Variants in DEFB115 observed in about 807,000 individuals in gnomAD.
DEFB115 encodes defensin beta 115.
Under a neutral mutation model 8.8 loss-of-function variants are expected in DEFB115, and 7 were observed. That is an observed-to-expected ratio of 0.79 (90% CI 0.45 to 1.49). DEFB115 has a LOEUF of 1.49. Among genes scored for constraint, DEFB115 ranks in the 40% most tolerant of loss-of-function variants. The pLI is 0.01. For missense variants in DEFB115, 143 were observed against 99.4 expected (o/e 1.44, Z -1.86); for synonymous variants, 62 against 37.6 (o/e 1.65, Z -2.37).
intron 1 of DEFB115, among the ~76,000 whole-genome samples, chr20:31,258,167 T>A (rs183881655): frequency 6.6e-6 from 1 of 152,322 alleles, no homozygotes; most frequent in East Asian, 1.9e-4. Context: ...GTTGTTGGGC[T>A]TTGAGTGCTC....
intron 1 of DEFB115, among the ~76,000 whole-genome samples, chr20:31,258,496 G>C (rs1381079169): frequency 6.6e-6 from 1 of 152,152 alleles, no homozygotes; most frequent in African/African-American, 2.4e-5. Context: ...TCCTCTCTTG[G>C]AGCAGCTATT....
chr20:31,258,247 G>A (rs1449852764), intron 1 of DEFB115, among the ~76,000 whole-genome samples: 3 of 152,194 alleles, frequency 2.0e-5, no homozygotes, highest in Non-Finnish European at 4.4e-5. Context: ...GTAAGTTGAT[G>A]TTTGATATCT....
In DEFB115 at chr20:31,259,577, A is replaced by AG; in HGVS notation, c.214dup (p.Asp72GlyfsTer2). On this transcript the variant is annotated frameshift_variant, in exon 2 of 2. Transcript: ENST00000400552. LOFTEE classifies it high-confidence loss of function. ...CATATTTGCTGTGTCCCTAAAGAAA[A>AG]GGATAAACTATCACACATTCACGAC... 2 of 1,612,434 alleles carry AG rather than the reference A, an allele frequency of 1.2e-6. No individual in the cohort carries two copies. The highest frequency in any genetic ancestry group is 8.5e-7 in the Non-Finnish European group (1 of 1,179,368).
intron 1 of DEFB115, among the ~76,000 whole-genome samples, chr20:31,258,531 C>T (rs1717410565): frequency 6.6e-6 from 1 of 152,200 alleles, no homozygotes; most frequent in South Asian, 2.1e-4. Flanking sequence ...TTGCCAATCA[C>T]TCAGTTGTTC....
In DEFB115 at chr20:31,259,507, T is replaced by C. The variant is rs1983845326; in HGVS notation, c.142T>C (p.Ser48Pro). The change falls in exon 2 of 2, where the codon TCA becomes CCA. Residue 48 changes from serine (S) to proline (P), a missense_variant. By Grantham distance (74) the Ser-to-Pro change is moderately conservative. Coordinates refer to ENST00000400552, the MANE Select transcript of DEFB115 (RefSeq NM_001037730.1). Reference protein sequence around the residue: ...CYYGTGRCRKSCKEIERKKEK... With the variant: ...CYYGTGRCRKPCKEIERKKEK... ...TTATGGAACTGGCAGATGCAGGAAA[T>C]CATGCAAAGAAATTGAGAGGAAGAA... is the stretch of plus-strand genomic sequence containing the variant. The C allele has an allele frequency of 3.7e-6, 6 of 1,613,134 alleles. No homozygotes were observed. Among genetic ancestry groups the C allele is most frequent in the Non-Finnish European group, 5.1e-6 (6 of 1,179,564 alleles).
chr20:31,259,603 C>A lies in DEFB115; in HGVS notation c.238C>A (p.Gln80Lys), dbSNP rs372311779. The A allele has an allele frequency of 5.6e-6, 9 of 1,599,410 alleles. No individual in the cohort carries two copies. The highest frequency in any genetic ancestry group is 1.7e-5 in the Admixed American group (1 of 57,688). The change falls in exon 2 of 2, where the codon CAA (glutamine) becomes AAA (lysine). Residue 80 changes from glutamine (Q) to lysine (K), a missense_variant. Transcript: ENST00000400552. The part of the protein sequence containing the change: ...EKDKLSHIHD[Q>K]KETSELYI ...GGATAAACTATCACACATTCACGACCAAAAAGAGACAAGTGAGCTATATAT... is the reference window on the plus strand; with the variant it reads ...GGATAAACTATCACACATTCACGACAAAAAAGAGACAAGTGAGCTATATAT...
intron 1 of DEFB115, among the ~76,000 whole-genome samples, chr20:31,258,776 G>T (rs942064537): frequency 6.6e-6 from 1 of 152,148 alleles, no homozygotes; most frequent in Admixed American, 6.6e-5. Context: ...TCTCCCAGAA[G>T]AAGAGTTTGG....
intron 1 of DEFB115, among the ~76,000 whole-genome samples, 199 bp downstream of exon 1, chr20:31,257,956 A>G (rs1489581639): frequency 6.6e-6 from 1 of 152,122 alleles, no homozygotes; most frequent in African/African-American, 2.4e-5. Flanking sequence ...CTCATTAGGG[A>G]ACCTGGAGAA....
intron 1 of DEFB115, among the ~76,000 whole-genome samples, chr20:31,259,092 C>T (rs895389237): frequency 1.3e-5 from 2 of 151,840 alleles, no homozygotes; most frequent in Middle Eastern, 3.2e-3. Context: ...AGTAGATGCT[C>T]AACAAATTGT....
Position 31,257,702 on chromosome 20 carries a change from T to C in DEFB115, c.39T>C (p.Ile13=). 2 of 1,614,006 alleles carry C rather than the reference T, an allele frequency of 1.2e-6. No homozygotes were observed. The highest frequency in any genetic ancestry group is 1.7e-6 in the Non-Finnish European group (2 of 1,179,946). The part of the protein sequence containing the change: ...PDHFSPLSGD[I]KLSVLALVVL... ...ATTTCTCACCCCTCTCAGGAGACAT[T>C]AAACTCTCTGTCCTGGCCTTAGTTG... Residue 13 remains isoleucine, a synonymous_variant, in exon 1 of 2, where the codon ATT becomes ATC. Coordinates refer to ENST00000400552, the MANE Select transcript of DEFB115 (RefSeq NM_001037730.1).
chr20:31,259,139 G>T (rs1983834077), intron 1 of DEFB115, among the ~76,000 whole-genome samples: 1 of 152,112 alleles, frequency 6.6e-6, no homozygotes, highest in South Asian at 2.1e-4. Flanking sequence ...GGATAAAAAA[G>T]ATAATTGAAG....
chr20:31,258,228 G>GA (rs1241004671), intron 1 of DEFB115, among the ~76,000 whole-genome samples: 1 of 152,166 alleles, frequency 6.6e-6, no homozygotes, highest in African/African-American at 2.4e-5. Flanking sequence ...AATATATGGT[G>GA]AAAAAGTTGT....
intron 1 of DEFB115, among the ~76,000 whole-genome samples, 164 bp downstream of exon 1, chr20:31,257,921 G>A (rs1314884771): frequency 6.6e-6 from 1 of 152,210 alleles, no homozygotes; most frequent in African/African-American, 2.4e-5. Flanking sequence ...AGGGCAGCCT[G>A]TCAGGCCTGA....
intron 1 of DEFB115, among the ~76,000 whole-genome samples, chr20:31,258,070 C>T (rs567608959): frequency 2.6e-5 from 4 of 152,294 alleles, no homozygotes; most frequent in Admixed American, 2.6e-4. Flanking sequence ...TGTCAACAGT[C>T]TCATCCTGTG....
rs775448507 is a variant in DEFB115 at position 31,259,516 on chromosome 20, G to C, written c.151G>C (p.Glu51Gln). The part of the protein sequence containing the change: ...GTGRCRKSCK[E>Q]IERKKEKCGE... Reference sequence around the variant, plus strand: ...TGGCAGATGCAGGAAATCATGCAAAGAAATTGAGAGGAAGAAAGAAAAATG... The same window carrying C: ...TGGCAGATGCAGGAAATCATGCAAACAAATTGAGAGGAAGAAAGAAAAATG... Residue 51 changes from glutamate (E) to glutamine (Q), a missense_variant, in exon 2 of 2, where the codon GAA becomes CAA. Transcript: ENST00000400552. The C allele has an allele frequency of 1.2e-6, 2 of 1,613,204 alleles. No individual in the cohort carries two copies. The highest frequency in any genetic ancestry group is 2.2e-5 in the South Asian group (2 of 90,956).
At chr20:31,257,906 TAAG>T in intron 1 of DEFB115, 149 bp downstream of exon 1, 1 of 708,818 alleles carries the variant, frequency 1.4e-6, no homozygotes, top group Non-Finnish European at 2.4e-6. Flanking sequence ...TATGCTCCCA[TAAG>T]AAGGGCAGCC....
Position 31,259,505 on chromosome 20 carries a change from A to T in DEFB115, c.140A>T (p.Lys47Ile). ...RCYYGTGRCRKSCKEIERKKE... is the reference protein window; with the variant it reads ...RCYYGTGRCRISCKEIERKKE... ...TATTATGGAACTGGCAGATGCAGGA[A>T]ATCATGCAAAGAAATTGAGAGGAAG... The change falls in exon 2 of 2, where the codon AAA becomes ATA. Residue 47 changes from lysine (K) to isoleucine (I), a missense_variant. By Grantham distance (102) the Lys-to-Ile change is moderately radical. Transcript: ENST00000400552. The T allele has an allele frequency of 1.2e-6, 2 of 1,613,378 alleles. No homozygotes were observed. Among genetic ancestry groups the T allele is most frequent in the South Asian group, 1.1e-5 (1 of 90,950 alleles).
chr20:31,259,624 T>C lies in DEFB115; in HGVS notation c.259T>C (p.Tyr87His), dbSNP rs760214328. The C allele has an allele frequency of 1.3e-5, 21 of 1,596,326 alleles. No homozygotes were observed. Among genetic ancestry groups the C allele is most frequent in the African/African-American group, 2.7e-5 (2 of 73,806 alleles). The change falls in exon 2 of 2, where the codon TAT becomes CAT. Residue 87 changes from tyrosine to histidine, a missense_variant. Tyr to His is a moderately conservative substitution (Grantham distance 83). Coordinates refer to ENST00000400552, the MANE Select transcript of DEFB115 (RefSeq NM_001037730.1). ...IHDQKETSELYI is the reference protein window; with the variant it reads ...IHDQKETSELHI ...CGACCAAAAAGAGACAAGTGAGCTA[T>C]ATATCTAGTTGCGACTCCTAATTCA...
chr20:31,259,025 C>A (rs747311948), intron 1 of DEFB115, among the ~76,000 whole-genome samples: 2 of 152,198 alleles, frequency 1.3e-5, no homozygotes, highest in Admixed American at 6.5e-5. Flanking sequence ...TGTTCAGGGT[C>A]TTGCTTTAAA....
Sources: allele counts gnomAD v4.1 joint callset (sites outside exome capture counted in the v4.1 genomes callset), GRCh38; gene constraint gnomAD v4.1.1; transcripts MANE v1.5; gene names NCBI Gene and HGNC (gene_info 2026-07-23, HGNC 2026-07-21).